CSMD1: variants seen among roughly 807,000 people sequenced by gnomAD.
CSMD1 encodes CUB and sushi domain-containing protein 1.
A neutral mutation model predicts 417.5 loss-of-function variants in CSMD1; 213 were observed. The ratio of observed to expected loss-of-function variants is 0.51; its 90% CI spans 0.46 to 0.57. CSMD1 has a LOEUF of 0.57. Among genes scored for constraint, CSMD1 ranks in the 20% least tolerant of loss-of-function variants. CSMD1 has a pLI of 0.00. For synonymous variants in CSMD1, 2,862 were observed against 1,736.8 expected (o/e 1.65, Z -16.11); for missense variants, 6,923 against 4,529.7 (o/e 1.53, Z -15.17).
At chr8:3,505,800 G>C (rs1030830274) in intron 10 of CSMD1, among the ~76,000 whole-genome samples, 2 of 152,106 alleles carry the variant, frequency 1.3e-5, no homozygotes, top group Admixed American at 6.6e-5. Context: ...AATATTTACA[G>C]ATTTTTAAAT....
At chr8:4,316,849 T>G (rs1475642399) in intron 3 of CSMD1, among the ~76,000 whole-genome samples, 1 of 152,118 alleles carries the variant, frequency 6.6e-6, no homozygotes, top group African/African-American at 2.4e-5. Flanking sequence ...GGTAGCTGCT[T>G]CTATTAGTGA....
Position 3,249,683 on chromosome 8 carries a change from A to C in CSMD1, c.4154-19452T>G, listed in dbSNP as rs114890427. On this transcript the variant is annotated intron_variant, in intron 26 of 69. Transcript: ENST00000635120. ...TGTATTAACTTCAAACATGTAATGTAAATTTTGAGTGAAAAAGAAATAATA... is the reference window on the plus strand; with the variant it reads ...TGTATTAACTTCAAACATGTAATGTCAATTTTGAGTGAAAAAGAAATAATA... Among the ~76,000 whole-genome samples, 763 of 152,356 alleles carry C rather than the reference A, an allele frequency of 5.0e-3. 5 individuals carry two copies. Among genetic ancestry groups the C allele is most frequent in the African/African-American group, 0.017 (716 of 41,576 alleles).
chr8:4,399,495 C>A (rs1804499484), intron 3 of CSMD1, among the ~76,000 whole-genome samples: 1 of 152,104 alleles, frequency 6.6e-6, no homozygotes, highest in South Asian at 2.1e-4. Context: ...CGCTTAAGTT[C>A]AATGTCCTTA....
Position 3,957,605 on chromosome 8 carries a change from T to C in CSMD1, c.818+40298A>G, listed in dbSNP as rs140438938. ...AGGCTGAGGTGGACAGATGGCTTGA[T>C]CTCAGGAGTTCGGGGTTGCAGTGAA... On this transcript the variant is annotated intron_variant, in intron 5 of 69. Transcript: ENST00000635120. 4.9e-3 allele frequency among the ~76,000 whole-genome samples: 740 copies of C among 152,034 alleles called. 6 individuals carry two copies. The highest frequency in any genetic ancestry group is 0.017 in the African/African-American group (685 of 41,456).
chr8:4,119,947 G>C (rs1033431073), intron 3 of CSMD1, among the ~76,000 whole-genome samples: 1 of 4,694 alleles, frequency 2.1e-4, no homozygotes, highest in Non-Finnish European at 1.3e-3. Flanking sequence ...TGGTTAATAG[G>C]TATCAAAAAA....
intron 2 of CSMD1, among the ~76,000 whole-genome samples, chr8:4,588,966 T>G (rs576075564): frequency 2.0e-5 from 3 of 152,220 alleles, no homozygotes; most frequent in African/African-American, 7.2e-5. Context: ...TAGAGCCAAG[T>G]ACAATATACT....
At chr8:4,277,993 C>T (rs773402986) in intron 3 of CSMD1, among the ~76,000 whole-genome samples, 4 of 152,076 alleles carry the variant, frequency 2.6e-5, no homozygotes, top group Admixed American at 6.6e-5. Context: ...CGTGATTCGC[C>T]GCCTTGCCCT....
chr8:4,814,224 G>T (rs1412914771), intron 1 of CSMD1, among the ~76,000 whole-genome samples: 1 of 152,164 alleles, frequency 6.6e-6, no homozygotes, highest in African/African-American at 2.4e-5. Flanking sequence ...GTGTGCGTGT[G>T]CGTGTGCGCA....
intron 3 of CSMD1, among the ~76,000 whole-genome samples, chr8:4,349,097 G>A (rs377672569): frequency 2.6e-5 from 4 of 152,314 alleles, no homozygotes; most frequent in South Asian, 4.1e-4. Context: ...ATTACAAAAT[G>A]AGCTGAAGTT....
chr8:4,987,613 A>G (rs1811247460), intron 1 of CSMD1, among the ~76,000 whole-genome samples: 2 of 152,204 alleles, frequency 1.3e-5, no homozygotes, highest in African/African-American at 4.8e-5. Context: ...TATTTTATAT[A>G]ATATAAAATA....
intron 37 of CSMD1, among the ~76,000 whole-genome samples, chr8:3,170,210 T>C (rs2129043528): frequency 6.6e-6 from 1 of 152,356 alleles, no homozygotes; most frequent in East Asian, 1.9e-4. Flanking sequence ...CTTTTTATTG[T>C]ATTTTATTTT....
intron 5 of CSMD1, among the ~76,000 whole-genome samples, chr8:3,803,315 T>C: frequency 6.6e-6 from 1 of 152,162 alleles, no homozygotes; most frequent in East Asian, 1.9e-4. Context: ...GGTAGGGAGA[T>C]ACTGCTATAC....
At chr8:4,825,761 C>G (rs1799791420) in intron 1 of CSMD1, among the ~76,000 whole-genome samples, 1 of 145,956 alleles carries the variant, frequency 6.9e-6, no homozygotes, top group South Asian at 2.2e-4. Flanking sequence ...TAGAGATATA[C>G]ATGAAGCTTC....
chr8:4,030,958 G>C (rs552200151), intron 4 of CSMD1, among the ~76,000 whole-genome samples: 1 of 152,100 alleles, frequency 6.6e-6, no homozygotes, highest in Admixed American at 6.5e-5. Flanking sequence ...AACGTAACAA[G>C]AATCACCTTT....
intron 3 of CSMD1, among the ~76,000 whole-genome samples, chr8:4,186,511 T>C (rs1232143817): frequency 1.3e-5 from 2 of 152,148 alleles, no homozygotes; most frequent in African/African-American, 4.8e-5. Context: ...ATTTAATTAC[T>C]TATTTTGAAA....
chr8:4,875,540 G>C (rs573614622), intron 1 of CSMD1, among the ~76,000 whole-genome samples: 7 of 152,000 alleles, frequency 4.6e-5, no homozygotes, highest in Admixed American at 1.3e-4. Context: ...GCCATCTACT[G>C]TCCAACTCAA....
intron 5 of CSMD1, among the ~76,000 whole-genome samples, chr8:3,911,054 T>A (rs1808426798): frequency 6.6e-6 from 1 of 152,160 alleles, no homozygotes; most frequent in African/African-American, 2.4e-5. Context: ...ACTCCAGAAC[T>A]CTAGAAATTG....
intron 3 of CSMD1, among the ~76,000 whole-genome samples, chr8:4,317,508 G>C (rs7828753): frequency 0.036 from 5,550 of 152,232 alleles, 122 homozygotes; most frequent in Middle Eastern, 0.061. Flanking sequence ...GCCTGCTAAG[G>C]TAAGTGACTT....
rs140217530 is a variant in CSMD1 at position 3,973,943 on chromosome 8, A to G, written c.818+23960T>C. ...GAATGCCATGTGAAACATGCACATC[A>G]TGAAAAATGGGATATCCATTCCCTC... On this transcript the variant is annotated intron_variant, in intron 5 of 69. Transcript: ENST00000635120. 3.6e-3 allele frequency among the ~76,000 whole-genome samples: 549 copies of G among 152,362 alleles called. 5 individuals carry two copies. Among genetic ancestry groups the G allele is most frequent in the African/African-American group, 0.013 (527 of 41,582 alleles).
Sources: allele counts gnomAD v4.1 joint callset (sites outside exome capture counted in the v4.1 genomes callset), GRCh38; gene constraint gnomAD v4.1.1; transcripts MANE v1.5; gene names NCBI Gene and HGNC (gene_info 2026-07-23, HGNC 2026-07-21).